MGMT: variants seen among roughly 807,000 people sequenced by gnomAD.
MGMT encodes the protein O-6-methylguanine-DNA methyltransferase.
A neutral mutation model predicts 15.9 loss-of-function variants in MGMT; 14 were observed. That is an observed-to-expected ratio of 0.88 (90% CI 0.58 to 1.37). The LOEUF is 1.37. Among genes scored for constraint, MGMT ranks in the 40% most tolerant of loss-of-function variants. The pLI is 0.00. For synonymous variants in MGMT, 130 were observed against 118.2 expected (o/e 1.10, Z -0.65); for missense variants, 282 against 268.1 (o/e 1.05, Z -0.36).
At chr10:129,606,287 G>A (rs571409668) in intron 2 of MGMT, among the ~76,000 whole-genome samples, 2 of 152,206 alleles carry the variant, frequency 1.3e-5, no homozygotes, top group African/African-American at 2.4e-5. Flanking sequence ...CTGGCGCTCC[G>A]TTCCTGTTTA....
Position 129,759,334 on chromosome 10 carries a change from G to T in MGMT, c.407G>T (p.Gly136Val). 6.2e-7 allele frequency: 1 copy of T among 1,614,188 alleles called. No homozygotes were observed. The highest frequency in any genetic ancestry group is 8.5e-7 in the Non-Finnish European group (1 of 1,180,028). The change falls in exon 4 of 5, where the codon GGC (glycine) becomes GTC (valine). Residue 136 changes from glycine (G) to valine (V), a missense_variant. Physicochemically the swap from Gly to Val is moderately radical, Grantham distance 109 (BLOSUM62 -3). Transcript: ENST00000651593. ...AARAVGGAMR[G>V]NPVPILIPCH... ...CGAGCAGTGGGAGGAGCAATGAGAG[G>T]CAATCCTGTGAGTTCTCATGGCGCA...
chr10:129,738,399 C>T (rs1364826057), intron 3 of MGMT, among the ~76,000 whole-genome samples: 4 of 152,348 alleles, frequency 2.6e-5, no homozygotes, highest in East Asian at 3.9e-4. Context: ...GGCAATGCCT[C>T]GCCCTGCTTT....
At chr10:129,567,601 ACCT>A (rs1846371514) in intron 2 of MGMT, among the ~76,000 whole-genome samples, 1 of 151,948 alleles carries the variant, frequency 6.6e-6, no homozygotes, top group South Asian at 2.1e-4. Flanking sequence ...GGGAAAAAAA[ACCT>A]CCTGGAGTCT....
At chr10:129,615,471 C>T (rs1430616987) in intron 2 of MGMT, among the ~76,000 whole-genome samples, 2 of 152,164 alleles carry the variant, frequency 1.3e-5, no homozygotes, top group South Asian at 2.1e-4. Flanking sequence ...AGTCATCTGA[C>T]GGCGCCGGGC....
At chr10:129,583,623 T>C (rs1234871339) in intron 2 of MGMT, among the ~76,000 whole-genome samples, 1 of 152,236 alleles carries the variant, frequency 6.6e-6, no homozygotes, top group Admixed American at 6.5e-5. Flanking sequence ...CTTCATTGCA[T>C]CTGATACATC....
intron 2 of MGMT, among the ~76,000 whole-genome samples, chr10:129,581,723 TA>T: frequency 6.6e-6 from 1 of 152,330 alleles, no homozygotes; most frequent in East Asian, 1.9e-4. Context: ...GGGCTTTGGC[TA>T]CCTGCAGATA....
intron 1 of MGMT, among the ~76,000 whole-genome samples, chr10:129,486,390 C>T (rs543616179): frequency 2.0e-5 from 3 of 152,078 alleles, no homozygotes; most frequent in Non-Finnish European, 2.9e-5. Flanking sequence ...GGTTTTGCCA[C>T]GTTGGCCAGG....
intron 2 of MGMT, among the ~76,000 whole-genome samples, chr10:129,640,297 C>T (rs967450985): frequency 1.3e-5 from 2 of 152,018 alleles, no homozygotes; most frequent in African/African-American, 4.8e-5. Flanking sequence ...AGGATTTTAC[C>T]ATATTGGCCA....
intron 2 of MGMT, among the ~76,000 whole-genome samples, chr10:129,565,562 C>T (rs1164124547): frequency 6.6e-6 from 1 of 152,090 alleles, no homozygotes; most frequent in African/African-American, 2.4e-5. Flanking sequence ...TTGTTATGCT[C>T]CACTGTAATT....
intron 1 of MGMT, among the ~76,000 whole-genome samples, chr10:129,511,050 G>T (rs186194011): frequency 6.0e-4 from 89 of 148,932 alleles, no homozygotes; most frequent in Admixed American, 4.2e-3. Flanking sequence ...ACCAGATGCA[G>T]CCTGGTGCTT....
In MGMT at chr10:129,769,866, G is replaced by A. The variant is rs576267971; in HGVS notation, c.*2869G>A. On this transcript the variant is annotated 3_prime_UTR_variant, in exon 5 of 5. Transcript: ENST00000651593. ...TGGCTGATGCGGAATCAGGAAGCTT[G>A]GAGGAGCTCTTGCATGAGGAATTGC... is the stretch of plus-strand genomic sequence containing the variant. 1.3e-5 allele frequency among the ~76,000 whole-genome samples: 2 copies of A among 152,304 alleles called. No homozygotes were observed. Among genetic ancestry groups the A allele is most frequent in the South Asian group, 4.1e-4 (2 of 4,828 alleles).
At chr10:129,630,646 T>C (rs941368409) in intron 2 of MGMT, among the ~76,000 whole-genome samples, 2 of 152,106 alleles carry the variant, frequency 1.3e-5, no homozygotes, top group Admixed American at 6.5e-5. Context: ...TTCGAACTGA[T>C]AGAAAAAGAA....
Position 129,604,203 on chromosome 10 carries a change from C to CT in MGMT, c.125+67827dup, listed in dbSNP as rs530526883. 3.0e-4 allele frequency among the ~76,000 whole-genome samples: 46 copies of CT among 152,316 alleles called. No individual in the cohort carries two copies. In the East Asian group the frequency reaches 8.5e-3, roughly 28 times the overall value. Reference sequence around the variant, plus strand: ...AAGCACTCTCTACGACGCTCATCATCTGAAGGGGCTGCCGGGGCCTTTGGA... The same window carrying CT: ...AAGCACTCTCTACGACGCTCATCATCTTGAAGGGGCTGCCGGGGCCTTTGGA... On this transcript the variant is annotated intron_variant, in intron 2 of 4. Transcript: ENST00000651593.
At position 129,533,693 on chromosome 10, in the gene MGMT, C is replaced by T. The variant is rs1280466465; in HGVS notation, c.-12-2548C>T. On this transcript the variant is annotated intron_variant, in intron 1 of 4. Transcript: ENST00000651593. This position sits in a 1 kb window ranked among gnomAD's most constrained non-coding sequence, Gnocchi z 4.5. ...TGGTCACACTGGTAATTCAGTTCCA[C>T]AAGTATTTTATGAGCCCCTTGTGTG... Among the ~76,000 whole-genome samples, 1 of 152,162 alleles carries T rather than the reference C, an allele frequency of 6.6e-6. No individual in the cohort carries two copies. The highest frequency in any genetic ancestry group is 6.5e-5 in the Admixed American group (1 of 15,280).
chr10:129,766,397 G>A (rs980900353), intron 4 of MGMT, among the ~76,000 whole-genome samples: 4 of 152,212 alleles, frequency 2.6e-5, no homozygotes, highest in African/African-American at 9.6e-5. Context: ...GTGGTACCTG[G>A]GGAGTGTTTG....
intron 2 of MGMT, among the ~76,000 whole-genome samples, chr10:129,698,244 T>C (rs576130687): frequency 3.3e-5 from 5 of 152,336 alleles, no homozygotes; most frequent in African/African-American, 1.2e-4. Flanking sequence ...CTCTGGGCTG[T>C]GTGCGTCATA....
intron 2 of MGMT, among the ~76,000 whole-genome samples, chr10:129,678,082 C>T (rs575894960): frequency 2.6e-5 from 4 of 151,858 alleles, no homozygotes; most frequent in Non-Finnish European, 5.9e-5. Flanking sequence ...ACGCTCCTCT[C>T]GGGAAGGCTG....
At chr10:129,476,636 A>G (rs1845297640) in intron 1 of MGMT, among the ~76,000 whole-genome samples, 1 of 152,086 alleles carries the variant, frequency 6.6e-6, no homozygotes, top group African/African-American at 2.4e-5. Flanking sequence ...TCAGGATGCT[A>G]GGACCCATCG....
At chr10:129,655,260 G>A (rs1847511887) in intron 2 of MGMT, among the ~76,000 whole-genome samples, 1 of 152,240 alleles carries the variant, frequency 6.6e-6, no homozygotes, top group African/African-American at 2.4e-5. Flanking sequence ...TGCCAGGAGT[G>A]AAGACCTGAG....
Sources: gnomAD v4.1 joint callset for allele counts (sites outside exome capture counted in the v4.1 genomes callset) on GRCh38, gnomAD v4.1.1 for gene constraint, Gnocchi (gnomAD v3.1) non-coding constraint, MANE v1.5 for transcripts, NCBI Gene and HGNC (gene_info 2026-07-23, HGNC 2026-07-21) for gene names.